Variants in LUC7L observed in about 807,000 individuals in gnomAD.
LUC7L encodes putative RNA-binding protein Luc7-like 1.
A neutral mutation model predicts 51.1 loss-of-function variants in LUC7L; 29 were observed. The ratio of observed to expected loss-of-function variants is 0.57; its 90% CI spans 0.42 to 0.77. The LOEUF (loss-of-function observed/expected upper bound fraction) is 0.77, where lower values mean the gene tolerates loss of function less well. Among genes scored for constraint, LUC7L ranks in the 30% least tolerant of loss-of-function variants. The pLI, the probability that LUC7L is intolerant of heterozygous loss-of-function variation, is 0.00. For missense variants in LUC7L, 403 were observed against 511.9 expected, an observed-to-expected ratio of 0.79 and a Z score of 2.05; for synonymous variants, 181 against 180.7, an observed-to-expected ratio of 1.00 and a Z score of -0.01.
intron 6 of LUC7L, among the ~76,000 whole-genome samples, chr16:195,747 A>AT (rs1434394954): frequency 6.6e-6 from 1 of 152,128 alleles, no homozygotes; most frequent in Non-Finnish European, 1.5e-5. Flanking sequence ...TTTTAAAAAA[A>AT]TTAAGGATTA....
At chr16:205,591 C>T (rs1351623218) in intron 5 of LUC7L, among the ~76,000 whole-genome samples, 2 of 151,992 alleles carry the variant, frequency 1.3e-5, no homozygotes, top group Non-Finnish European at 2.9e-5. Flanking sequence ...GCAAAAACAG[C>T]GTTTATAAAT....
At position 229,406 on chromosome 16, in the gene LUC7L, C is replaced by G. The variant is rs2050217769; in HGVS notation, c.-67G>C. The G allele has an allele frequency of 1.1e-5, 15 of 1,371,020 alleles. No homozygotes were observed. The highest frequency in any genetic ancestry group is 4.3e-5 in the South Asian group (3 of 69,132). 84.9% of individuals were successfully genotyped at this position (1,371,020 alleles called of 1,614,324 possible). On this transcript the variant is annotated 5_prime_UTR_variant, in exon 1 of 10. Coordinates refer to ENST00000293872, the MANE Select transcript of LUC7L (RefSeq NM_201412.3). Reference sequence around the variant, plus strand: ...CTCAGGCAGGCGGTGGCAGCGGCGTCGACAAACGATGGTCGCGTCGGCCTC... The same window carrying G: ...CTCAGGCAGGCGGTGGCAGCGGCGTGGACAAACGATGGTCGCGTCGGCCTC...
intron 5 of LUC7L, among the ~76,000 whole-genome samples, chr16:199,542 C>T (rs2049259094): frequency 6.6e-6 from 1 of 151,668 alleles, no homozygotes; most frequent in African/African-American, 2.4e-5. Context: ...GAGGCTGAGG[C>T]TGGCGGATCA....
intron 3 of LUC7L, among the ~76,000 whole-genome samples, chr16:210,465 G>A (rs888169612): frequency 6.6e-6 from 1 of 152,158 alleles, no homozygotes; most frequent in African/African-American, 2.4e-5. Context: ...CAGGATCCAA[G>A]TATTAAGGAG....
intron 2 of LUC7L, among the ~76,000 whole-genome samples, chr16:224,170 T>C (rs1322554382): frequency 6.6e-6 from 1 of 152,156 alleles, no homozygotes; most frequent in Non-Finnish European, 1.5e-5. Flanking sequence ...AAGTATGAAG[T>C]ACAAATTGAT....
intron 6 of LUC7L, among the ~76,000 whole-genome samples, chr16:196,507 T>C (rs1453300507): frequency 6.8e-6 from 1 of 146,560 alleles, no homozygotes; most frequent in African/African-American, 2.5e-5. Flanking sequence ...AATGGGAAAG[T>C]AACATTTCCA....
Position 225,945 on chromosome 16 carries a change from C to T in LUC7L, c.156+1297G>A, listed in dbSNP as rs868009652. Among the ~76,000 whole-genome samples, 120 of 152,336 alleles carry T rather than the reference C, an allele frequency of 7.9e-4. 1 individual carries two copies. The highest frequency in any genetic ancestry group is 2.7e-3 in the African/African-American group (113 of 41,572). Reference sequence around the variant, plus strand: ...CCGAGAGTGCACATCTATCTGCTCCCTCTGACTTCCTTCACTATGGGTTTA... The same window carrying T: ...CCGAGAGTGCACATCTATCTGCTCCTTCTGACTTCCTTCACTATGGGTTTA... On this transcript the variant is annotated intron_variant, in intron 2 of 9. Coordinates refer to ENST00000293872, the MANE Select transcript of LUC7L (RefSeq NM_201412.3).
At chr16:218,053 C>T (rs987889408) in intron 3 of LUC7L, among the ~76,000 whole-genome samples, 2 of 150,444 alleles carry the variant, frequency 1.3e-5, no homozygotes, top group African/African-American at 4.9e-5. Flanking sequence ...ATTAGCCAGG[C>T]ATGGTGGCAG....
intron 3 of LUC7L, among the ~76,000 whole-genome samples, chr16:215,883 A>AT (rs533473127): frequency 5.3e-5 from 8 of 151,568 alleles, no homozygotes; most frequent in Non-Finnish European, 1.0e-4. Context: ...CTAATTTTCT[A>AT]TTTTTTTTCT....
chr16:195,662 G>A (rs1022611505), intron 6 of LUC7L, among the ~76,000 whole-genome samples: 1 of 152,120 alleles, frequency 6.6e-6, no homozygotes, highest in Non-Finnish European at 1.5e-5. Context: ...GGATTCAATC[G>A]ATTCTCCTGC....
At chr16:201,242 T>TAAAAAAAAAAAAAAAA (rs764945208) in intron 5 of LUC7L, among the ~76,000 whole-genome samples, 1 of 78,520 alleles carries the variant, frequency 1.3e-5, no homozygotes, top group Non-Finnish European at 2.3e-5. Flanking sequence ...GCTACATAAC[T>TAAAAAAAAAAAAAAAA]AAAAAAAAAA....
rs778095221 is a variant in LUC7L at position 222,640 on chromosome 16, AT to A, written c.157-1894del. 0.011 allele frequency among the ~76,000 whole-genome samples: 1,533 copies of A among 141,976 alleles called. 42 individuals carry two copies. In the East Asian group the frequency reaches 0.12, roughly 11 times the overall value. The allele number at this position is 141,976 out of a possible 152,430, so 93.1% of individuals were successfully genotyped here. ...AGCAACAGAGACCCCTGTCTTTTTAATTTTTTTTTTTTTTTGAGATGGAGTT... is the reference window on the plus strand; with the variant it reads ...AGCAACAGAGACCCCTGTCTTTTTAATTTTTTTTTTTTTTGAGATGGAGTT... On this transcript the variant is annotated intron_variant, in intron 2 of 9. Coordinates refer to ENST00000293872, the MANE Select transcript of LUC7L (RefSeq NM_201412.3).
intron 3 of LUC7L, among the ~76,000 whole-genome samples, chr16:217,965 C>G (rs2049853923): frequency 6.8e-6 from 1 of 147,944 alleles, no homozygotes; most frequent in South Asian, 2.1e-4. Context: ...AAGGAGGTTG[C>G]AGTGAGCCGA....
intron 3 of LUC7L, among the ~76,000 whole-genome samples, chr16:211,233 T>C (rs1430892600): frequency 1.3e-5 from 2 of 152,102 alleles, no homozygotes; most frequent in African/African-American, 4.8e-5. Flanking sequence ...CCCAAAGAGA[T>C]AGAGGAAAAG....
rs139541910 is a variant in LUC7L at position 208,320 on chromosome 16, A to C, written c.256-132T>G. The C allele has an allele frequency of 8.3e-4, 543 of 650,394 alleles. 1 individual carries two copies. In the African/African-American group the frequency reaches 9.6e-3, roughly 11 times the overall value. 40.3% of individuals were successfully genotyped at this position (650,394 alleles called of 1,614,324 possible). A position where few individuals can be genotyped will look rare whatever the true frequency, so the allele number is the denominator to read the frequency against. ...CCTGTACATTCAAGGGAAAGATCTTAAACTACACTACCACTAACGCATTCA... is the reference window on the plus strand; with the variant it reads ...CCTGTACATTCAAGGGAAAGATCTTCAACTACACTACCACTAACGCATTCA... On this transcript the variant is annotated intron_variant, in intron 3 of 9. Transcript: ENST00000293872.
chr16:227,518 G>T, intron 1 of LUC7L, 182 bp from the exon 2 acceptor site: 1 of 1,427,288 alleles, frequency 7.0e-7, no homozygotes, highest in Non-Finnish European at 9.2e-7. Context: ...TTTTTTTGAG[G>T]CTAGTTATAT....
intron 6 of LUC7L, among the ~76,000 whole-genome samples, chr16:198,399 C>T (rs914880790): frequency 1.3e-5 from 2 of 152,062 alleles, no homozygotes; most frequent in Non-Finnish European, 2.9e-5. Context: ...ATCTTCACCC[C>T]GCCCTTCTGA....
intron 6 of LUC7L, among the ~76,000 whole-genome samples, chr16:195,303 T>G (rs562949187): frequency 2.8e-3 from 427 of 151,970 alleles, no homozygotes; most frequent in African/African-American, 9.7e-3. Context: ...GCCTGTAGTC[T>G]CTGCTACTCA....
Position 189,388 on chromosome 16 carries a change from G to A in LUC7L, c.975-49C>T, listed in dbSNP as rs572924081. On this transcript the variant is annotated intron_variant, in intron 9 of 9. Transcript: ENST00000293872. ...CAGTGGAGGCTGCTGCCCCCCTTCT[G>A]CTGGCCGCTCAGGCACTGACGATGG... The A allele has an allele frequency of 5.1e-6, 8 of 1,567,676 alleles. No individual in the cohort carries two copies. The African/African-American group carries it at 1.1e-4, about 21-fold the overall frequency.
Sources: gnomAD v4.1 joint callset for allele counts (sites outside exome capture counted in the v4.1 genomes callset) on GRCh38, gnomAD v4.1.1 for gene constraint, MANE v1.5 for transcripts, NCBI Gene and HGNC (gene_info 2026-07-23, HGNC 2026-07-21) for gene names.